Variants in FSHR observed in about 807,000 individuals in gnomAD.
FSHR encodes the protein follicle stimulating hormone receptor.
Under a neutral mutation model 52.1 loss-of-function variants are expected in FSHR, and 46 were observed. The observed-to-expected ratio is 0.88, with a 90% CI of 0.70 to 1.13. The LOEUF (loss-of-function observed/expected upper bound fraction) is 1.13, where lower values mean the gene tolerates loss of function less well. Ranked by LOEUF, FSHR falls within the 50% of genes most tolerant of loss-of-function variation. The pLI is 0.00. For missense variants in FSHR, 964 were observed against 834.6 expected (o/e 1.16, Z -1.91); for synonymous variants, 399 against 309.6 (o/e 1.29, Z -3.03).
At chr2:49,152,774 T>C (rs1673109423) in intron 1 of FSHR, among the ~76,000 whole-genome samples, 1 of 152,136 alleles carries the variant, frequency 6.6e-6, no homozygotes, top group African/African-American at 2.4e-5. Context: ...CTTTTAGTGT[T>C]CACAACAATT....
intron 4 of FSHR, among the ~76,000 whole-genome samples, chr2:49,010,463 C>A (rs952194603): frequency 6.6e-6 from 1 of 152,300 alleles, no homozygotes; most frequent in East Asian, 1.9e-4. Flanking sequence ...CATCAATGTT[C>A]ATCAGGGATA....
At chr2:49,051,914 C>A (rs1218228419) in intron 2 of FSHR, among the ~76,000 whole-genome samples, 5 of 151,974 alleles carry the variant, frequency 3.3e-5, no homozygotes, top group African/African-American at 1.2e-4. Flanking sequence ...AATATGGATA[C>A]AAAGTTGATT....
chr2:49,134,256 A>G (rs1469184945), intron 1 of FSHR, among the ~76,000 whole-genome samples: 1 of 152,244 alleles, frequency 6.6e-6, no homozygotes, highest in Non-Finnish European at 1.5e-5. Flanking sequence ...TGGGCAAAGG[A>G]TATGAACAGA....
At chr2:49,123,748 G>A (rs1671900508) in intron 1 of FSHR, among the ~76,000 whole-genome samples, 2 of 152,158 alleles carry the variant, frequency 1.3e-5, no homozygotes, top group Non-Finnish European at 2.9e-5. Flanking sequence ...GGGAGAGAGA[G>A]AGAAGGGATT....
intron 2 of FSHR, among the ~76,000 whole-genome samples, chr2:49,045,516 T>G (rs1389331718): frequency 6.6e-6 from 1 of 152,224 alleles, no homozygotes; most frequent in Non-Finnish European, 1.5e-5. Flanking sequence ...TGAATCTACA[T>G]GTCACTAGAA....
intron 1 of FSHR, among the ~76,000 whole-genome samples, chr2:49,088,465 C>T (rs550300801): frequency 1.9e-4 from 29 of 152,322 alleles, no homozygotes; most frequent in Admixed American, 1.1e-3. Flanking sequence ...ACTTTTGTTA[C>T]TCTAGATTCT....
chr2:49,107,077 C>A (rs1292316588), intron 1 of FSHR, among the ~76,000 whole-genome samples: 1 of 152,170 alleles, frequency 6.6e-6, no homozygotes, highest in East Asian at 1.9e-4. Context: ...CTCCTTATCA[C>A]CTGTAGAATA....
intron 8 of FSHR, 62 bp from the exon 9 acceptor site, chr2:48,968,945 T>C: frequency 6.8e-7 from 1 of 1,472,356 alleles, no homozygotes; most frequent in Non-Finnish European, 9.4e-7. Flanking sequence ...CTGCTCTTGG[T>C]TAGCAGGCAA....
chr2:49,135,411 G>A (rs1672455707), intron 1 of FSHR, among the ~76,000 whole-genome samples: 1 of 152,058 alleles, frequency 6.6e-6, no homozygotes, highest in South Asian at 2.1e-4. Context: ...AACACTTTGA[G>A]ATGAATGAAA....
intron 1 of FSHR, among the ~76,000 whole-genome samples, chr2:49,136,880 T>A (rs1485898032): frequency 6.6e-6 from 1 of 152,070 alleles, no homozygotes; most frequent in Non-Finnish European, 1.5e-5. Flanking sequence ...TAAAAAGTCA[T>A]CAATGAAAAA....
chr2:49,088,888 T>C (rs181175910), intron 1 of FSHR, among the ~76,000 whole-genome samples: 166 of 152,324 alleles, frequency 1.1e-3, no homozygotes, highest in African/African-American at 3.9e-3. Flanking sequence ...AAAACTAATT[T>C]CTGTATTCTA....
At chr2:49,084,557 C>G (rs1394936953) in intron 1 of FSHR, among the ~76,000 whole-genome samples, 2 of 152,088 alleles carry the variant, frequency 1.3e-5, no homozygotes, top group African/African-American at 4.8e-5. Flanking sequence ...AATCCAGGAG[C>G]TGGTTTTCTG....
At chr2:49,099,724 C>T (rs984299190) in intron 1 of FSHR, among the ~76,000 whole-genome samples, 5 of 151,960 alleles carry the variant, frequency 3.3e-5, no homozygotes, top group African/African-American at 9.7e-5. Context: ...TGGAGTGATG[C>T]GTCTGTAAAA....
At chr2:48,986,411 T>TTTTC (rs1553432071) in intron 6 of FSHR, among the ~76,000 whole-genome samples, 2 of 150,422 alleles carry the variant, frequency 1.3e-5, no homozygotes, top group Admixed American at 1.3e-4. Context: ...TTTTTTTTTT[T>TTTTC]CTGAGTGTGC....
At chr2:49,103,184 A>G (rs1194751492) in intron 1 of FSHR, among the ~76,000 whole-genome samples, 1 of 152,180 alleles carries the variant, frequency 6.6e-6, no homozygotes, top group Non-Finnish European at 1.5e-5. Context: ...ATTGAGAAGA[A>G]ACGTCCTAGG....
rs773250226 is a variant in FSHR, at chr2:49,068,187, G to A, written c.224+32C>T. Reference sequence around the variant, plus strand: ...AGGTTGCTCCCTATAGCCCCCTTGAGGCATTCACTCACAGCAGTGCTAGGT... The same window carrying A: ...AGGTTGCTCCCTATAGCCCCCTTGAAGCATTCACTCACAGCAGTGCTAGGT... On this transcript the variant is annotated intron_variant, in intron 2 of 9. Transcript: ENST00000406846. The A allele has an allele frequency of 7.7e-6, 12 of 1,557,424 alleles. No individual in the cohort carries two copies. In the African/African-American group the frequency reaches 8.3e-5, roughly 11 times the overall value.
intron 4 of FSHR, among the ~76,000 whole-genome samples, chr2:49,000,059 G>T (rs1435435395): frequency 6.6e-6 from 1 of 152,114 alleles, no homozygotes; most frequent in Non-Finnish European, 1.5e-5. Context: ...ATGTACATCA[G>T]AAAGTTCACA....
intron 1 of FSHR, 28 bp downstream of exon 1, chr2:49,154,238 A>G (rs1052408221): frequency 5.6e-6 from 9 of 1,610,578 alleles, no homozygotes; most frequent in East Asian, 2.2e-5. Flanking sequence ...CCAGCCATGC[A>G]GTTGTTCCCC....
intron 4 of FSHR, among the ~76,000 whole-genome samples, chr2:49,011,362 G>A (rs545316412): frequency 6.6e-6 from 1 of 152,056 alleles, no homozygotes; most frequent in East Asian, 1.9e-4. Context: ...TTAATCCTGA[G>A]TTCTAGTTTG....
Sources: allele counts gnomAD v4.1 joint callset (sites outside exome capture counted in the v4.1 genomes callset), GRCh38; gene constraint gnomAD v4.1.1; transcripts MANE v1.5; gene names NCBI Gene and HGNC (gene_info 2026-07-23, HGNC 2026-07-21).